Variants in PPFIA2 observed in about 807,000 individuals in gnomAD.
PPFIA2 encodes the protein PPFI scaffold protein A2, also known as liprin-alpha-2.
PPFIA2 carries 46 observed loss-of-function variants against 175.5 expected under a neutral mutation model. That is an observed-to-expected ratio of 0.26 (90% confidence interval 0.21 to 0.34). The LOEUF is 0.34. Among genes scored for constraint, PPFIA2 ranks in the 10% least tolerant of loss-of-function variants. PPFIA2 has a pLI of 1.00. For missense variants in PPFIA2, 1,179 were observed against 1,506.1 expected, an observed-to-expected ratio of 0.78 and a Z score of 3.60; for synonymous variants, 568 against 511.4, an observed-to-expected ratio of 1.11 and a Z score of -1.49.
intron 3 of PPFIA2, among the ~76,000 whole-genome samples, chr12:81,695,030 T>C (rs2075732506): frequency 6.6e-6 from 1 of 152,198 alleles, no homozygotes; most frequent in Non-Finnish European, 1.5e-5. Context: ...CTAATGCCTA[T>C]AACTGCATTG....
intron 5 of PPFIA2, among the ~76,000 whole-genome samples, chr12:81,454,450 G>A (rs1043050132): frequency 4.6e-5 from 7 of 151,954 alleles, no homozygotes; most frequent in Non-Finnish European, 1.0e-4. Flanking sequence ...GAATTAAATG[G>A]GAATAATGAG....
At chr12:81,284,384 G>T in intron 24 of PPFIA2, 81 bp from the exon 25 acceptor site, 1 of 1,010,682 alleles carries the variant, frequency 9.9e-7, no homozygotes, top group Non-Finnish European at 1.5e-6. Context: ...ACCTCTGTGA[G>T]TTAACAGCAA....
intron 3 of PPFIA2, among the ~76,000 whole-genome samples, chr12:81,737,576 A>G (rs1194173256): frequency 6.6e-6 from 1 of 152,060 alleles, no homozygotes; most frequent in Non-Finnish European, 1.5e-5. Flanking sequence ...AAAATGAATA[A>G]TAATTCACCA....
chr12:81,488,549 A>G (rs960870024), intron 4 of PPFIA2, among the ~76,000 whole-genome samples: 2 of 151,784 alleles, frequency 1.3e-5, no homozygotes, highest in African/African-American at 2.4e-5. Context: ...TCACTCACTC[A>G]AAAGCCCACG....
chr12:81,484,159 A>G (rs1480690741), intron 4 of PPFIA2, among the ~76,000 whole-genome samples: 1 of 152,052 alleles, frequency 6.6e-6, no homozygotes, highest in South Asian at 2.1e-4. Flanking sequence ...GCCCTATGAA[A>G]GACCAAATAA....
intron 2 of PPFIA2, among the ~76,000 whole-genome samples, chr12:81,756,878 T>C (rs557772084): frequency 1.2e-4 from 18 of 152,146 alleles, no homozygotes; most frequent in Admixed American, 2.6e-4. Context: ...TCAAATCCAA[T>C]TTATAAAAAT....
intron 4 of PPFIA2, among the ~76,000 whole-genome samples, chr12:81,606,065 G>C (rs1201674177): frequency 6.6e-6 from 1 of 151,906 alleles, no homozygotes; most frequent in Non-Finnish European, 1.5e-5. Flanking sequence ...GTGAGAAAAT[G>C]CAGTATTTGG....
At chr12:81,399,551 G>A (rs1008168524) in intron 8 of PPFIA2, among the ~76,000 whole-genome samples, 9 of 151,926 alleles carry the variant, frequency 5.9e-5, no homozygotes, top group South Asian at 2.1e-4. Context: ...GTGCTTCCTC[G>A]CCAACTCAGC....
intron 6 of PPFIA2, among the ~76,000 whole-genome samples, chr12:81,445,216 G>A (rs1333622791): frequency 9.4e-6 from 1 of 106,192 alleles, no homozygotes; most frequent in Non-Finnish European, 1.8e-5. Flanking sequence ...TGGGGGGGGG[G>A]GAGGGGGGAG....
At chr12:81,546,763 T>C (rs989709879) in intron 4 of PPFIA2, among the ~76,000 whole-genome samples, 7 of 152,224 alleles carry the variant, frequency 4.6e-5, no homozygotes, top group Middle Eastern at 3.4e-3. Flanking sequence ...GAAACTGGGC[T>C]TTTTAAAAAT....
intron 4 of PPFIA2, among the ~76,000 whole-genome samples, chr12:81,555,457 C>T (rs1204158776): frequency 6.6e-6 from 1 of 151,912 alleles, no homozygotes; most frequent in Non-Finnish European, 1.5e-5. Flanking sequence ...ATGATGTTGG[C>T]ACATTAATCC....
At chr12:81,692,816 A>AT (rs1427858786) in intron 3 of PPFIA2, among the ~76,000 whole-genome samples, 11 of 152,254 alleles carry the variant, frequency 7.2e-5, no homozygotes, top group African/African-American at 2.2e-4. Context: ...CAATCATTAA[A>AT]TTTCTAAGAA....
chr12:81,278,603 G>T (rs1174951920), intron 27 of PPFIA2, among the ~76,000 whole-genome samples: 2 of 151,894 alleles, frequency 1.3e-5, no homozygotes, highest in African/African-American at 4.8e-5. Flanking sequence ...AGGAGATGGA[G>T]AAATAAGTAA....
At chr12:81,471,710 T>C (rs1230454963) in intron 4 of PPFIA2, among the ~76,000 whole-genome samples, 3 of 152,150 alleles carry the variant, frequency 2.0e-5, no homozygotes, top group African/African-American at 7.2e-5. Context: ...AATTTTTTTG[T>C]GAAACCTCCA....
At chr12:81,555,693 C>A (rs1354410410) in intron 4 of PPFIA2, among the ~76,000 whole-genome samples, 1 of 151,554 alleles carries the variant, frequency 6.6e-6, no homozygotes, top group Non-Finnish European at 1.5e-5. Flanking sequence ...AATTAGAGCA[C>A]AAATCTGTAA....
At chr12:81,668,271 C>A (rs965863196) in intron 4 of PPFIA2, among the ~76,000 whole-genome samples, 4 of 152,002 alleles carry the variant, frequency 2.6e-5, no homozygotes, top group African/African-American at 9.7e-5. Flanking sequence ...ATCAGTCTGG[C>A]CCATGGGAAG....
rs539308934 is a variant in PPFIA2, at chr12:81,392,538, T to C, written c.763-8294A>G. Among the ~76,000 whole-genome samples, 10 of 152,064 alleles carry C rather than the reference T, an allele frequency of 6.6e-5. No homozygotes were observed. In the South Asian group the frequency reaches 8.3e-4, roughly 13 times the overall value. ...CTAATAACGTCTTTGTAGAACTCTCTTCAATTGTTACTTTATCAGAAAGGC... is the reference window on the plus strand; with the variant it reads ...CTAATAACGTCTTTGTAGAACTCTCCTCAATTGTTACTTTATCAGAAAGGC... On this transcript the variant is annotated intron_variant, in intron 8 of 32. Coordinates refer to ENST00000549396, the MANE Select transcript of PPFIA2 (RefSeq NM_003625.5).
intron 4 of PPFIA2, among the ~76,000 whole-genome samples, chr12:81,569,993 C>A (rs991323837): frequency 6.6e-6 from 1 of 152,142 alleles, no homozygotes; most frequent in African/African-American, 2.4e-5. Flanking sequence ...TAAGCTCTTT[C>A]TCCCTGTTTC....
chr12:81,615,070 T>A (rs913927728), intron 4 of PPFIA2, among the ~76,000 whole-genome samples: 23 of 152,298 alleles, frequency 1.5e-4, no homozygotes, highest in Non-Finnish European at 2.8e-4. Context: ...CATAAAACAA[T>A]TTTTAGGTGA....
Sources: allele counts gnomAD v4.1 joint callset (sites outside exome capture counted in the v4.1 genomes callset), GRCh38; gene constraint gnomAD v4.1.1; transcripts MANE v1.5; gene names NCBI Gene and HGNC (gene_info 2026-07-23, HGNC 2026-07-21).